Variants in ILF2 observed in about 807,000 individuals in gnomAD.
ILF2 encodes interleukin enhancer binding factor 2.
Under a neutral mutation model 55.3 loss-of-function variants are expected in ILF2, and 9 were observed. The observed-to-expected ratio is 0.16, with a 90% CI of 0.10 to 0.28. The LOEUF is 0.28. Among genes scored for constraint, ILF2 ranks in the 10% least tolerant of loss-of-function variants. The probability of loss-of-function intolerance (pLI) is 1.00; values close to 1 mark genes in which losing one functional copy is unlikely to be tolerated. For missense variants in ILF2, 266 were observed against 474.9 expected, an observed-to-expected ratio of 0.56 and a Z score of 4.09; for synonymous variants, 151 against 161.8, an observed-to-expected ratio of 0.93 and a Z score of 0.50.
chr1:153,664,597 C>A, intron 8 of ILF2, 123 bp from the exon 9 acceptor site: 3 of 788,020 alleles, frequency 3.8e-6, no homozygotes, highest in South Asian at 1.5e-5. Context: ...GCTCTGTTGT[C>A]CAGGCTGGAT....
In ILF2 at chr1:153,665,369, C is replaced by T. The variant is rs371859557; in HGVS notation, c.461-33G>A. 4.1e-5 allele frequency: 57 copies of T among 1,377,312 alleles called. No homozygotes were observed. The African/African-American group carries it at 5.8e-4, about 14-fold the overall frequency. The allele number at this position is 1,377,312 out of a possible 1,614,324, so 85.3% of individuals were successfully genotyped here. ...AACAGAATAAACAAAAACTATAACT[C>T]ACATTTCCATTAGATGATCAAAGTT... On this transcript the variant is annotated intron_variant, in intron 7 of 13. Transcript: ENST00000361891.
chr1:153,663,022 C>G lies in ILF2; in HGVS notation c.918G>C (p.Gln306His). The G allele has an allele frequency of 6.2e-7, 1 of 1,611,498 alleles. No individual in the cohort carries two copies. Among genetic ancestry groups the G allele is most frequent in the Non-Finnish European group, 8.5e-7 (1 of 1,177,570 alleles). Residue 306 changes from glutamine to histidine, a missense_variant, in exon 12 of 14, where the codon CAG becomes CAC. Gln to His is a conservative substitution (Grantham distance 24). Coordinates refer to ENST00000361891, the MANE Select transcript of ILF2 (RefSeq NM_004515.4). ...FRVHTVMTLEQQDMVCYTAQT... is the reference protein window; with the variant it reads ...FRVHTVMTLEHQDMVCYTAQT... ...CAGTTCATATCTGTCCCAATACCTG[C>G]TGTTCTAGGGTCATGACTGTGTGTA...
intron 1 of ILF2, 62 bp downstream of exon 1, chr1:153,670,855 GC>G: frequency 6.2e-7 from 1 of 1,602,498 alleles, no homozygotes; most frequent in Non-Finnish European, 8.6e-7. Flanking sequence ...ACTTCTTTCG[GC>G]CCACGTTCAC....
chr1:153,670,784 A>G (rs1382451646), intron 1 of ILF2, 134 bp downstream of exon 1: 38 of 1,058,662 alleles, frequency 3.6e-5, no homozygotes, highest in Non-Finnish European at 5.5e-5. Context: ...CCACTATCCT[A>G]GACCAGGAGT....
intron 2 of ILF2, 47 bp from the exon 3 acceptor site, chr1:153,669,925 C>A (rs1405281000): frequency 6.6e-7 from 1 of 1,504,446 alleles, no homozygotes; most frequent in East Asian, 2.2e-5. Context: ...AGGAATCAAG[C>A]GAGATGTAAA....
In ILF2 at chr1:153,669,878, C is replaced by T. The variant is rs578237386; in HGVS notation, c.66G>A (p.Gly22=). ...GGATATGTGGTACAAAGGGCCTGAA[C>T]CTAAAACATGAAAAACAGCCAAATT... ...RFGSRGGPGG[G]FRPFVPHIPF... Residue 22 remains glycine, a splice_region_variant and synonymous_variant, in exon 3 of 14, where the codon GGG becomes GGA. Coordinates refer to ENST00000361891, the MANE Select transcript of ILF2 (RefSeq NM_004515.4). 1.9e-5 allele frequency: 30 copies of T among 1,612,644 alleles called. 1 individual carries two copies. The highest frequency in any genetic ancestry group is 1.3e-4 in the African/African-American group (10 of 74,984).
At chr1:153,665,940 T>C (rs1480707268) in intron 6 of ILF2, among the ~76,000 whole-genome samples, 1 of 152,152 alleles carries the variant, frequency 6.6e-6, no homozygotes, top group Non-Finnish European at 1.5e-5. Context: ...ACTCATATCC[T>C]CTTTCTACAG....
chr1:153,664,013 G>C, intron 10 of ILF2, 30 bp downstream of exon 10: 1 of 1,257,204 alleles, frequency 8.0e-7, no homozygotes, highest in Non-Finnish European at 1.2e-6. Flanking sequence ...TAAGGATGAT[G>C]AGGAACTCCA....
At position 153,662,134 on chromosome 1, in the gene ILF2, G is replaced by C; in HGVS notation, c.*262C>G. The C allele has an allele frequency of 2.7e-6, 1 of 373,288 alleles. No individual in the cohort carries two copies. The highest frequency in any genetic ancestry group is 4.8e-6 in the Non-Finnish European group (1 of 207,136). The allele number at this position is 373,288 out of a possible 1,614,324, so 23.1% of individuals were successfully genotyped here. On this transcript the variant is annotated 3_prime_UTR_variant, in exon 14 of 14. Transcript: ENST00000361891. Reference sequence around the variant, plus strand: ...AACAGCAAAGTATTAGTTGAGAGAGGGGTTTTCAGGAGTTGGAGATTATAG... The same window carrying C: ...AACAGCAAAGTATTAGTTGAGAGAGCGGTTTTCAGGAGTTGGAGATTATAG...
At chr1:153,669,708 C>A in intron 3 of ILF2, 128 bp downstream of exon 3, 1 of 793,010 alleles carries the variant, frequency 1.3e-6, no homozygotes, top group Non-Finnish European at 2.2e-6. Flanking sequence ...TCCCAAAGTG[C>A]TGAGATTACA....
Position 153,662,212 on chromosome 1 carries a change from A to G in ILF2, c.*184T>C. 1.5e-6 allele frequency: 1 copy of G among 671,412 alleles called. No individual in the cohort carries two copies. The allele number at this position is 671,412 out of a possible 1,614,324, so 41.6% of individuals were successfully genotyped here. A position where few individuals can be genotyped will look rare whatever the true frequency, so the allele number is the denominator to read the frequency against. ...CCATTATAGATGGATGGCATAGGTCACAAATGGGAGACTGGCAGCTAAGCC... is the reference window on the plus strand; with the variant it reads ...CCATTATAGATGGATGGCATAGGTCGCAAATGGGAGACTGGCAGCTAAGCC... On this transcript the variant is annotated 3_prime_UTR_variant, in exon 14 of 14. Transcript: ENST00000361891.
At chr1:153,665,993 A>C (rs551579639) in intron 6 of ILF2, among the ~76,000 whole-genome samples, 65 of 152,272 alleles carry the variant, frequency 4.3e-4, no homozygotes, top group African/African-American at 1.5e-3. Flanking sequence ...ATTTTGGGCT[A>C]GACAAATCTT....
chr1:153,664,342 A>G lies in ILF2; in HGVS notation c.656+54T>C, dbSNP rs187171989. 61 of 1,386,402 alleles carry G rather than the reference A, an allele frequency of 4.4e-5. 1 individual carries two copies. In the African/African-American group the frequency reaches 8.4e-4, roughly 19 times the overall value. 85.9% of individuals were successfully genotyped at this position (1,386,402 alleles called of 1,614,324 possible). A position where few individuals can be genotyped will look rare whatever the true frequency, so the allele number is the denominator to read the frequency against. On this transcript the variant is annotated intron_variant, in intron 9 of 13. Coordinates refer to ENST00000361891, the MANE Select transcript of ILF2 (RefSeq NM_004515.4). ...AGAGGAAGTATGGGGGTATCCTGCT[A>G]TTCACTGCAGTTAAAAAGTTTATCT...
chr1:153,665,776 ACTTT>A, intron 6 of ILF2, 48 bp from the exon 7 acceptor site: 1 of 1,415,982 alleles, frequency 7.1e-7, no homozygotes, highest in Non-Finnish European at 9.9e-7. Flanking sequence ...ATTTGCCTAG[ACTTT>A]CTATGTATCT....
intron 10 of ILF2, among the ~76,000 whole-genome samples, 192 bp from the exon 11 acceptor site, chr1:153,663,468 A>G (rs1412452684): frequency 4.6e-5 from 7 of 151,932 alleles, no homozygotes; most frequent in Non-Finnish European, 7.4e-5. Flanking sequence ...AGCTAGGACT[A>G]TAAGTTCAAG....
chr1:153,662,694 T>C lies in ILF2; in HGVS notation c.1012+11A>G. Reference sequence around the variant, plus strand: ...ACAATACAAAACCCCTGACCCACAGTGGTCACTCACAGCTGGCATCACCCT... The same window carrying C: ...ACAATACAAAACCCCTGACCCACAGCGGTCACTCACAGCTGGCATCACCCT... On this transcript the variant is annotated intron_variant, in intron 13 of 13. Transcript: ENST00000361891. The C allele has an allele frequency of 3.1e-6, 5 of 1,610,266 alleles. No homozygotes were observed. Among genetic ancestry groups the C allele is most frequent in the Non-Finnish European group, 4.2e-6 (5 of 1,176,502 alleles).
intron 12 of ILF2, 99 bp downstream of exon 12, chr1:153,662,920 A>G: frequency 7.5e-7 from 1 of 1,341,992 alleles, no homozygotes; most frequent in South Asian, 1.2e-5. Flanking sequence ...CAGAATCCCC[A>G]AATTCCTGAC....
intron 10 of ILF2, 152 bp from the exon 11 acceptor site, chr1:153,663,428 A>G: frequency 1.4e-6 from 1 of 695,112 alleles, no homozygotes; most frequent in Non-Finnish European, 2.5e-6. Flanking sequence ...TCCTGGGCTC[A>G]AGCAACCCTC....
rs978115407 is a variant in ILF2, at chr1:153,670,085, T to TA, written c.65+85_65+86insT. On this transcript the variant is annotated intron_variant, in intron 2 of 13. Coordinates refer to ENST00000361891, the MANE Select transcript of ILF2 (RefSeq NM_004515.4). ...CACAGTTGGCTCTCGCAAAACCAAG[T>TA]GACATTAGTCTACTCTAAAACTCCT... 1.2e-4 allele frequency: 174 copies of TA among 1,412,936 alleles called. 1 individual carries two copies. The Middle Eastern group carries it at 2.9e-3, about 23-fold the overall frequency. The allele number at this position is 1,412,936 out of a possible 1,614,324, so 87.5% of individuals were successfully genotyped here.
Sources: allele counts gnomAD v4.1 joint callset (sites outside exome capture counted in the v4.1 genomes callset), GRCh38; gene constraint gnomAD v4.1.1; transcripts MANE v1.5; gene names NCBI Gene and HGNC (gene_info 2026-07-23, HGNC 2026-07-21).